Variants in TBC1D5 observed in about 807,000 individuals in gnomAD.
The protein encoded by TBC1D5 is TBC1 domain family member 5.
A neutral mutation model predicts 100.3 loss-of-function variants in TBC1D5; 75 were observed. The ratio of observed to expected loss-of-function variants is 0.75; its 90% CI spans 0.62 to 0.91. TBC1D5 has a LOEUF of 0.91. TBC1D5 is among the 40% of genes least tolerant of loss of function. TBC1D5 has a pLI of 0.00. For missense variants in TBC1D5, 910 were observed against 942.4 expected, an observed-to-expected ratio of 0.97 and a Z score of 0.45; for synonymous variants, 323 against 325.6, an observed-to-expected ratio of 0.99 and a Z score of 0.09.
intron 3 of TBC1D5, among the ~76,000 whole-genome samples, chr3:17,507,677 A>G (rs2095858086): frequency 1.3e-5 from 2 of 152,226 alleles, no homozygotes; most frequent in Admixed American, 6.5e-5. Context: ...TGACTAATTT[A>G]TGTTTTAAAA....
chr3:17,256,638 T>C (rs1222020574), intron 16 of TBC1D5, among the ~76,000 whole-genome samples: 1 of 152,004 alleles, frequency 6.6e-6, no homozygotes, highest in African/African-American at 2.4e-5. Context: ...ATAACAAATA[T>C]GTGTTGAGTG....
intron 2 of TBC1D5, among the ~76,000 whole-genome samples, chr3:17,550,162 T>C (rs1034832486): frequency 1.3e-5 from 2 of 152,120 alleles, no homozygotes; most frequent in African/African-American, 4.8e-5. Flanking sequence ...AAATGATACA[T>C]TGTTATCAAA....
At chr3:17,515,693 T>C (rs112333178) in intron 2 of TBC1D5, among the ~76,000 whole-genome samples, 1 of 152,216 alleles carries the variant, frequency 6.6e-6, no homozygotes, top group Non-Finnish European at 1.5e-5. Context: ...TTCAGTTTAC[T>C]TTTCTCGCAT....
chr3:17,636,726 G>A (rs1378402737), intron 1 of TBC1D5, among the ~76,000 whole-genome samples: 14 of 151,960 alleles, frequency 9.2e-5, no homozygotes, highest in Admixed American at 4.6e-4. Context: ...GCATGAACCC[G>A]GGAGGTGGAG....
chr3:17,400,934 C>T (rs1012302384), intron 8 of TBC1D5, among the ~76,000 whole-genome samples: 2 of 152,036 alleles, frequency 1.3e-5, no homozygotes, highest in South Asian at 2.1e-4. Context: ...TGTCGGCTTC[C>T]CTACTTTTAA....
intron 1 of TBC1D5, among the ~76,000 whole-genome samples, chr3:17,708,662 C>T (rs543619929): frequency 1.7e-4 from 26 of 152,274 alleles, no homozygotes; most frequent in Non-Finnish European, 3.2e-4. Context: ...GGGGTAAAAC[C>T]GCCCCTATTC....
chr3:17,668,489 TAAAC>T, intron 1 of TBC1D5, among the ~76,000 whole-genome samples: 1 of 152,216 alleles, frequency 6.6e-6, no homozygotes, highest in South Asian at 2.1e-4. Context: ...ACTAAAGTAA[TAAAC>T]AATTATGTTT....
chr3:17,227,735 A>T (rs1384389719), intron 17 of TBC1D5, among the ~76,000 whole-genome samples: 1 of 152,056 alleles, frequency 6.6e-6, no homozygotes, highest in Non-Finnish European at 1.5e-5. Flanking sequence ...ATAAAAAAAA[A>T]CTATTAGGTA....
At chr3:17,182,463 G>A (rs527609932) in intron 19 of TBC1D5, among the ~76,000 whole-genome samples, 38 of 152,332 alleles carry the variant, frequency 2.5e-4, no homozygotes, top group African/African-American at 8.2e-4. Context: ...AAAGACCAAA[G>A]TCAGAGCAAA....
At chr3:17,181,405 G>A (rs976864262) in intron 19 of TBC1D5, among the ~76,000 whole-genome samples, 2 of 152,322 alleles carry the variant, frequency 1.3e-5, no homozygotes, top group East Asian at 3.9e-4. Flanking sequence ...AAGATGAGAT[G>A]ACTTGTGTTT....
At chr3:17,665,834 A>C (rs542394796) in intron 1 of TBC1D5, among the ~76,000 whole-genome samples, 1 of 152,296 alleles carries the variant, frequency 6.6e-6, no homozygotes, top group East Asian at 1.9e-4. Flanking sequence ...CAATTTTAGG[A>C]TCATCTGCAA....
At chr3:17,505,933 G>C (rs2095840248) in intron 3 of TBC1D5, among the ~76,000 whole-genome samples, 1 of 152,006 alleles carries the variant, frequency 6.6e-6, no homozygotes, top group South Asian at 2.1e-4. Context: ...AATTCACATG[G>C]AAAATATCTC....
chr3:17,407,171 T>C (rs900509737), intron 4 of TBC1D5, among the ~76,000 whole-genome samples: 4 of 152,068 alleles, frequency 2.6e-5, no homozygotes, highest in African/African-American at 9.7e-5. Context: ...GCTGAGTAGA[T>C]AAACAACTGA....
intron 1 of TBC1D5, among the ~76,000 whole-genome samples, chr3:17,691,691 C>A (rs2071184514): frequency 6.6e-6 from 1 of 152,104 alleles, no homozygotes; most frequent in Non-Finnish European, 1.5e-5. Context: ...GTGGCGCATG[C>A]CTGTAGTCCC....
chr3:17,232,926 G>T (rs2075539231), intron 17 of TBC1D5, among the ~76,000 whole-genome samples: 2 of 152,084 alleles, frequency 1.3e-5, no homozygotes, highest in Non-Finnish European at 2.9e-5. Context: ...TTGAATAGAA[G>T]ATTCTTAAAG....
intron 2 of TBC1D5, among the ~76,000 whole-genome samples, chr3:17,606,602 T>C (rs960705300): frequency 6.6e-6 from 1 of 152,116 alleles, no homozygotes; most frequent in Non-Finnish European, 1.5e-5. Flanking sequence ...AAATAAAAAT[T>C]AGCAGCATAA....
At chr3:17,695,660 C>T (rs2071937428) in intron 1 of TBC1D5, among the ~76,000 whole-genome samples, 1 of 152,154 alleles carries the variant, frequency 6.6e-6, no homozygotes, top group African/African-American at 2.4e-5. Context: ...GAGACTTTAA[C>T]ACCCCACTGT....
intron 16 of TBC1D5, among the ~76,000 whole-genome samples, chr3:17,254,766 T>TGGGGGGGGGGGGGGGGGGG (rs139693043): frequency 1.4e-5 from 1 of 73,172 alleles, no homozygotes; most frequent in Admixed American, 1.6e-4. Flanking sequence ...GTGGCGGGGG[T>TGGGGGGGGGGGGGGGGGGG]GGGGGGGGGG....
chr3:17,448,023 G>C (rs1164773314), intron 3 of TBC1D5, among the ~76,000 whole-genome samples: 1 of 152,148 alleles, frequency 6.6e-6, no homozygotes, highest in East Asian at 1.9e-4. Flanking sequence ...GTAGCCAGGA[G>C]TGTTAGTGTG....
Sources: allele counts gnomAD v4.1 joint callset (sites outside exome capture counted in the v4.1 genomes callset), GRCh38; gene constraint gnomAD v4.1.1; transcripts MANE v1.5; gene names NCBI Gene and HGNC (gene_info 2026-07-23, HGNC 2026-07-21).